PNMA2: variants seen among roughly 807,000 people sequenced by gnomAD.
The protein encoded by PNMA2 is PNMA family member 2.
For missense variants in PNMA2, 455 were observed against 452.9 expected, an observed-to-expected ratio of 1.00 and a Z score of -0.04; for synonymous variants, 175 against 183.5, an observed-to-expected ratio of 0.95 and a Z score of 0.38.
chr8:26,507,260 C>A lies in PNMA2; in HGVS notation c.*401G>T, dbSNP rs1331844029. 1 of 156,090 alleles carries A rather than the reference C, an allele frequency of 6.4e-6. No individual in the cohort carries two copies. The highest frequency in any genetic ancestry group is 1.4e-5 in the Non-Finnish European group (1 of 70,946). 9.7% of individuals were successfully genotyped at this position (156,090 alleles called of 1,614,324 possible). A position where few individuals can be genotyped will look rare whatever the true frequency, so the allele number is the denominator to read the frequency against. On this transcript the variant is annotated 3_prime_UTR_variant, in exon 3 of 3. Transcript: ENST00000522362. ...CCTGAGCAACACAGCAAAACCCTGT[C>A]TCTACCAAAAATACAAAAGAATAGC...
chr8:26,508,333 T>C lies in PNMA2; in HGVS notation c.423A>G (p.Leu141=), dbSNP rs1158650432. ...PATVPCISPE[L]LAHLLGQAMA... ...TTGCCTGTCCCAACAAATGGGCCAG[T>C]AATTCTGGTGAGATGCAGGGCACTG... Residue 141 remains leucine, a synonymous_variant, in exon 3 of 3, where the codon TTA becomes TTG. Transcript: ENST00000522362. The surrounding 1 kb of genome is among the most constrained non-coding windows in gnomAD (Gnocchi z 5.5). 3 of 1,612,752 alleles carry C rather than the reference T, an allele frequency of 1.9e-6. No homozygotes were observed. Among genetic ancestry groups the C allele is most frequent in the Non-Finnish European group, 2.5e-6 (3 of 1,179,140 alleles).
Position 26,508,813 on chromosome 8 carries a change from T to A in PNMA2, c.-58A>T, listed in dbSNP as rs1036982897. On this transcript the variant is annotated 5_prime_UTR_variant, in exon 3 of 3. Transcript: ENST00000522362. This position sits in a 1 kb window ranked among gnomAD's most constrained non-coding sequence, Gnocchi z 5.5. The stretch of plus-strand genomic sequence containing the variant: ...GGCACCAATTTGTTAGTGGTGCAGC[T>A]ATGCACTGACTTAATATTGAAAATA... 3 of 1,545,616 alleles carry A rather than the reference T, an allele frequency of 1.9e-6. No homozygotes were observed. In the African/African-American group the frequency reaches 4.1e-5, roughly 21 times the overall value.
At chr8:26,511,196 T>TA (rs1563369260) in intron 1 of PNMA2, among the ~76,000 whole-genome samples, 2 of 151,676 alleles carry the variant, frequency 1.3e-5, no homozygotes, top group African/African-American at 4.8e-5. Context: ...ACCTCCCAGT[T>TA]ACTGCTGCGG....
chr8:26,510,995 T>A (rs921250383), intron 1 of PNMA2, among the ~76,000 whole-genome samples: 1 of 151,772 alleles, frequency 6.6e-6, no homozygotes, highest in African/African-American at 2.4e-5. Flanking sequence ...CTACCAAAAA[T>A]ACAAAAATTA....
In PNMA2 at chr8:26,508,189, C is replaced by T. The variant is rs1281233099; in HGVS notation, c.567G>A (p.Thr189=). ...TTACTGGCCACTCTTTGACTATCTCCGTGGCCTGTTCCAACCAGACCTCAA... is the reference window on the plus strand; with the variant it reads ...TTACTGGCCACTCTTTGACTATCTCTGTGGCCTGTTCCAACCAGACCTCAA... The part of the protein sequence containing the change: ...ESFEVWLEQA[T]EIVKEWPVTE... Residue 189 remains threonine (T), a synonymous_variant, in exon 3 of 3, where the codon ACG becomes ACA. Transcript: ENST00000522362. This position sits in a 1 kb window ranked among gnomAD's most constrained non-coding sequence, Gnocchi z 5.5. The T allele has an allele frequency of 5.0e-6, 8 of 1,613,784 alleles. No individual in the cohort carries two copies. The highest frequency in any genetic ancestry group is 6.8e-6 in the Non-Finnish European group (8 of 1,179,844).
intron 1 of PNMA2, among the ~76,000 whole-genome samples, chr8:26,512,664 C>T (rs539020009): frequency 1.7e-4 from 26 of 152,230 alleles, no homozygotes; most frequent in Admixed American, 1.6e-3. Flanking sequence ...AAAGGAGGGG[C>T]ACCATTTCTG....
chr8:26,507,902 A>G lies in PNMA2; in HGVS notation c.854T>C (p.Ile285Thr). 6.2e-7 allele frequency: 1 copy of G among 1,614,166 alleles called. No individual in the cohort carries two copies. The highest frequency in any genetic ancestry group is 8.5e-7 in the Non-Finnish European group (1 of 1,180,042). The part of the protein sequence containing the change: ...LLRRAVEKRA[I>T]PRRIADQVRL... The stretch of plus-strand genomic sequence containing the variant: ...GACCTGGTCCGCAATACGCCGAGGG[A>G]TGGCGCGTTTCTCCACCGCTCTCCG... The change falls in exon 3 of 3, where the codon ATC becomes ACC. Residue 285 changes from isoleucine to threonine, a missense_variant. Ile to Thr is a moderately conservative substitution (Grantham distance 89). Coordinates refer to ENST00000522362, the MANE Select transcript of PNMA2 (RefSeq NM_007257.6).
In PNMA2 at chr8:26,507,466, G is replaced by T; in HGVS notation, c.*195C>A. The T allele has an allele frequency of 2.1e-6, 1 of 473,988 alleles. No individual in the cohort carries two copies. Among genetic ancestry groups the T allele is most frequent in the Non-Finnish European group, 3.6e-6 (1 of 276,196 alleles). 29.4% of individuals were successfully genotyped at this position (473,988 alleles called of 1,614,324 possible). A position where few individuals can be genotyped will look rare whatever the true frequency, so the allele number is the denominator to read the frequency against. ...AAAGAAGAAAGAGAAAAAGAAAAAA[G>T]GAAGGAAGGAAGGAAAGAGAGGAGA... is the stretch of plus-strand genomic sequence containing the variant. On this transcript the variant is annotated 3_prime_UTR_variant, in exon 3 of 3. Coordinates refer to ENST00000522362, the MANE Select transcript of PNMA2 (RefSeq NM_007257.6).
intron 1 of PNMA2, among the ~76,000 whole-genome samples, chr8:26,512,321 C>A (rs1489232475): frequency 6.6e-6 from 1 of 152,214 alleles, no homozygotes; most frequent in African/African-American, 2.4e-5. Context: ...ACATCTGCCG[C>A]TAAGTCCAAA....
At position 26,507,542 on chromosome 8, in the gene PNMA2, AG is replaced by A; in HGVS notation, c.*118del. On this transcript the variant is annotated 3_prime_UTR_variant, in exon 3 of 3. Transcript: ENST00000522362. Reference sequence around the variant, plus strand: ...AGAGAAGGAGGAAGGGAGGGAAGGAAGGAAGGAAGGAAGGTCAATAATTGGC... The same window carrying A: ...AGAGAAGGAGGAAGGGAGGGAAGGAAGAAGGAAGGAAGGTCAATAATTGGC... The A allele has an allele frequency of 1.2e-6, 1 of 811,322 alleles. No individual in the cohort carries two copies. Among genetic ancestry groups the A allele is most frequent in the South Asian group, 2.3e-5 (1 of 44,156 alleles). The allele number at this position is 811,322 out of a possible 1,614,324, so 50.3% of individuals were successfully genotyped here. A position where few individuals can be genotyped will look rare whatever the true frequency, so the allele number is the denominator to read the frequency against.
chr8:26,508,208 A>T lies in PNMA2; in HGVS notation c.548T>A (p.Val183Asp), dbSNP rs1187003516. 1.2e-6 allele frequency: 2 copies of T among 1,610,282 alleles called. No homozygotes were observed. Among genetic ancestry groups the T allele is most frequent in the Non-Finnish European group, 1.7e-6 (2 of 1,178,026 alleles). Residue 183 changes from valine to aspartate, a missense_variant, in exon 3 of 3, where the codon GTC becomes GAC. Val to Asp is a radical substitution (Grantham distance 152). Coordinates refer to ENST00000522362, the MANE Select transcript of PNMA2 (RefSeq NM_007257.6). The surrounding 1 kb of genome is among the most constrained non-coding windows in gnomAD (Gnocchi z 5.5). ...VPAPEEESFE[V>D]WLEQATEIVK... ...TATCTCCGTGGCCTGTTCCAACCAGACCTCAAAGGACTCTTCCTCTGGGGC... is the reference window on the plus strand; with the variant it reads ...TATCTCCGTGGCCTGTTCCAACCAGTCCTCAAAGGACTCTTCCTCTGGGGC...
Position 26,507,639 on chromosome 8 carries a change from G to T in PNMA2, c.*22C>A. ...TTAAAGGTCTTAGCCCACTGGCTGT[G>T]GGTCCTGCCCCCAGGTGGTTTTCAG... On this transcript the variant is annotated 3_prime_UTR_variant, in exon 3 of 3. Transcript: ENST00000522362. The T allele has an allele frequency of 6.6e-7, 1 of 1,524,450 alleles. No individual in the cohort carries two copies. Among genetic ancestry groups the T allele is most frequent in the South Asian group, 1.3e-5 (1 of 74,314 alleles). The allele number at this position is 1,524,450 out of a possible 1,614,324, so 94.4% of individuals were successfully genotyped here.
At position 26,507,931 on chromosome 8, in the gene PNMA2, C is replaced by A; in HGVS notation, c.825G>T (p.Leu275=). Residue 275 remains leucine, a synonymous_variant, in exon 3 of 3, where the codon CTG becomes CTT. Transcript: ENST00000522362. ...CGCGTTTCTCCACCGCTCTCCGGAG[C>A]AGGGTTTCTAGCCGTAACACATAGG... The part of the protein sequence containing the change: ...VSAYVLRLET[L]LRRAVEKRAI... 1 of 1,614,146 alleles carries A rather than the reference C, an allele frequency of 6.2e-7. No homozygotes were observed. Among genetic ancestry groups the A allele is most frequent in the Non-Finnish European group, 8.5e-7 (1 of 1,180,050 alleles).
In PNMA2 at chr8:26,507,397, C is replaced by T; in HGVS notation, c.*264G>A. The T allele has an allele frequency of 3.2e-6, 1 of 313,946 alleles. No homozygotes were observed. Among genetic ancestry groups the T allele is most frequent in the East Asian group, 5.6e-5 (1 of 17,852 alleles). 19.4% of individuals were successfully genotyped at this position (313,946 alleles called of 1,614,324 possible). ...GCTGCAGTGAGCCGAGATTTTTGTG[C>T]CACTGCACTCTAGCCTGGGTGATGA... On this transcript the variant is annotated 3_prime_UTR_variant, in exon 3 of 3. Coordinates refer to ENST00000522362, the MANE Select transcript of PNMA2 (RefSeq NM_007257.6).
rs1808050983 is a variant in PNMA2, at chr8:26,506,788, A to G, written c.*873T>C. ...AGGGCAGGGCCCATTTTGTAGGTTT[A>G]TAACTGCTCAACTGCAGGTTATAGC... On this transcript the variant is annotated 3_prime_UTR_variant, in exon 3 of 3. Transcript: ENST00000522362. This position sits in a 1 kb window ranked among gnomAD's most constrained non-coding sequence, Gnocchi z 4.4. The G allele has an allele frequency of 6.6e-6, 1 of 152,268 alleles. No individual in the cohort carries two copies. The highest frequency in any genetic ancestry group is 1.5e-5 in the Non-Finnish European group (1 of 68,046). 9.4% of individuals were successfully genotyped at this position (152,268 alleles called of 1,614,324 possible). A position where few individuals can be genotyped will look rare whatever the true frequency, so the allele number is the denominator to read the frequency against.
chr8:26,512,089 T>C (rs1282552976), intron 1 of PNMA2, among the ~76,000 whole-genome samples: 1 of 152,204 alleles, frequency 6.6e-6, no homozygotes, highest in African/African-American at 2.4e-5. Flanking sequence ...CAGGACAAGC[T>C]GGAAAAGAAG....
rs2117574814 is a variant in PNMA2, at chr8:26,505,566, T to C, written c.*2095A>G. The C allele has an allele frequency of 6.5e-6, 1 of 152,700 alleles. No homozygotes were observed. Among genetic ancestry groups the C allele is most frequent in the East Asian group, 1.9e-4 (1 of 5,196 alleles). 9.5% of individuals were successfully genotyped at this position (152,700 alleles called of 1,614,324 possible). A position where few individuals can be genotyped will look rare whatever the true frequency, so the allele number is the denominator to read the frequency against. On this transcript the variant is annotated 3_prime_UTR_variant, in exon 3 of 3. Transcript: ENST00000522362. ...AGTTTGGATACGTACACAGATACCA[T>C]AAAGGAAACTTTGCTCTAAGGTCTG...
At chr8:26,513,543 A>G (rs1389675409) in intron 1 of PNMA2, among the ~76,000 whole-genome samples, 1 of 151,690 alleles carries the variant, frequency 6.6e-6, no homozygotes, top group Non-Finnish European at 1.5e-5. Context: ...CCTCCTGTCC[A>G]CCCTGCCTGT....
chr8:26,507,762 G>A lies in PNMA2; in HGVS notation c.994C>T (p.Arg332Trp), dbSNP rs766932294. 1.2e-5 allele frequency: 19 copies of A among 1,613,138 alleles called. No homozygotes were observed. Among genetic ancestry groups the A allele is most frequent in the Non-Finnish European group, 1.4e-5 (17 of 1,179,740 alleles). The change falls in exon 3 of 3, where the codon CGG (arginine) becomes TGG (tryptophan). Residue 332 changes from arginine (R) to tryptophan (W), a missense_variant. Transcript: ENST00000522362. ...GAGGCCTCTTCCTCCTCTTCTTCCC[G>A]TATTACCTTCATTAGCTCAAGGAAG... is the stretch of plus-strand genomic sequence containing the variant. ...PSFLELMKVI[R>W]EEEEEEASFE...
Sources: gnomAD v4.1 joint callset for allele counts (sites outside exome capture counted in the v4.1 genomes callset) on GRCh38, gnomAD v4.1.1 for gene constraint, Gnocchi (gnomAD v3.1) non-coding constraint, MANE v1.5 for transcripts, NCBI Gene and HGNC (gene_info 2026-07-23, HGNC 2026-07-21) for gene names.